Variants in SNX31 observed in about 807,000 individuals in gnomAD.
SNX31 encodes sorting nexin-31.
Under a neutral mutation model 65.4 loss-of-function variants are expected in SNX31, and 58 were observed. The ratio of observed to expected loss-of-function variants is 0.89; its 90% CI spans 0.72 to 1.10. The LOEUF (loss-of-function observed/expected upper bound fraction) is 1.10, where lower values mean the gene tolerates loss of function less well. Among genes scored for constraint, SNX31 ranks in the 50% least tolerant of loss-of-function variants. SNX31 has a pLI of 0.00. For synonymous variants in SNX31, 181 were observed against 190.1 expected, an observed-to-expected ratio of 0.95 and a Z score of 0.39; for missense variants, 523 against 529.7, an observed-to-expected ratio of 0.99 and a Z score of 0.12.
Position 100,613,982 on chromosome 8 carries a change from T to TTCTC in SNX31, c.433-901_433-898dup, listed in dbSNP as rs1816950740. On this transcript the variant is annotated intron_variant, in intron 5 of 13. Coordinates refer to ENST00000311812, the MANE Select transcript of SNX31 (RefSeq NM_152628.4). This position sits in a 1 kb window ranked among gnomAD's most constrained non-coding sequence, Gnocchi z 5.2. ...GAGCTGCTTTACCCACGACTCCCAG[T>TTCTC]TCTCTAGGTGGCAGTTGTACAAATA... 6.6e-6 allele frequency among the ~76,000 whole-genome samples: 1 copy of TTCTC among 152,116 alleles called. No individual in the cohort carries two copies. Among genetic ancestry groups the TTCTC allele is most frequent in the South Asian group, 2.1e-4 (1 of 4,820 alleles).
intron 13 of SNX31, among the ~76,000 whole-genome samples, chr8:100,574,667 G>A (rs182628718): frequency 2.1e-3 from 320 of 151,936 alleles, no homozygotes; most frequent in African/African-American, 7.3e-3. Context: ...GTGTACAGTG[G>A]CTCACGCCTG....
At chr8:100,584,284 T>C (rs1813828664) in intron 11 of SNX31, 96 bp from the exon 12 acceptor site, 3 of 858,928 alleles carry the variant, frequency 3.5e-6, no homozygotes, top group South Asian at 2.0e-5. Context: ...GACTCTGCCC[T>C]CCAATAACAC....
At chr8:100,638,471 G>A (rs374080673) in intron 2 of SNX31, among the ~76,000 whole-genome samples, 6 of 152,168 alleles carry the variant, frequency 3.9e-5, no homozygotes, top group South Asian at 4.1e-4. Flanking sequence ...GGAAACATTG[G>A]TCTAACATCT....
chr8:100,597,061 A>G (rs987286919), intron 9 of SNX31, among the ~76,000 whole-genome samples: 24 of 152,134 alleles, frequency 1.6e-4, no homozygotes, highest in Admixed American at 4.6e-4. Context: ...CCTTCCAGGG[A>G]AGGGACCATT....
intron 10 of SNX31, among the ~76,000 whole-genome samples, chr8:100,590,223 A>T (rs1814441803): frequency 6.6e-6 from 1 of 152,234 alleles, no homozygotes; most frequent in African/African-American, 2.4e-5. Flanking sequence ...GTACACAAAA[A>T]AGAAATAGGG....
In SNX31 at chr8:100,617,765, AC is replaced by A. The variant is rs1817347769; in HGVS notation, c.322-36del. The stretch of plus-strand genomic sequence containing the variant: ...AAAGAAAAGCAAAATAAATTTCCAC[AC>A]CTTTTTTTTTTTTTTGGAGGCGGAG... On this transcript the variant is annotated intron_variant, in intron 4 of 13. Transcript: ENST00000311812. 6.2e-6 allele frequency: 8 copies of A among 1,288,216 alleles called. No individual in the cohort carries two copies. The African/African-American group carries it at 9.5e-5, about 15-fold the overall frequency. 79.8% of individuals were successfully genotyped at this position (1,288,216 alleles called of 1,614,324 possible).
chr8:100,602,724 G>A (rs1166643274), intron 8 of SNX31, among the ~76,000 whole-genome samples: 3 of 152,186 alleles, frequency 2.0e-5, no homozygotes, highest in African/African-American at 4.8e-5. Flanking sequence ...AGTGACTGAC[G>A]GGTGGATGAT....
chr8:100,574,053 G>T, intron 13 of SNX31, 93 bp from the exon 14 acceptor site: 1 of 665,228 alleles, frequency 1.5e-6, no homozygotes, highest in Admixed American at 3.3e-5. Flanking sequence ...AGTATTGAAA[G>T]GGCAACAGAA....
chr8:100,617,757 A>T, intron 4 of SNX31, 27 bp from the exon 5 acceptor site: 1 of 1,543,310 alleles, frequency 6.5e-7, no homozygotes. Context: ...AGCAAAATAA[A>T]TTTCCACACC....
intron 3 of SNX31, among the ~76,000 whole-genome samples, chr8:100,631,986 T>C (rs1015600727): frequency 1.1e-4 from 16 of 152,224 alleles, no homozygotes; most frequent in Non-Finnish European, 1.8e-4. Context: ...CTAATCTTCA[T>C]GACAAACTCG....
At chr8:100,618,364 C>G in intron 4 of SNX31, 1 of 1,533,320 alleles carries the variant, frequency 6.5e-7, no homozygotes, top group African/African-American at 1.4e-5. Flanking sequence ...TCCCTAAAGC[C>G]CATATCCCTG....
intron 12 of SNX31, among the ~76,000 whole-genome samples, chr8:100,577,708 G>A (rs955347361): frequency 1.3e-5 from 2 of 152,168 alleles, no homozygotes; most frequent in African/African-American, 2.4e-5. Context: ...CCACCTCTAG[G>A]CCTGAAGGGG....
intron 4 of SNX31, among the ~76,000 whole-genome samples, chr8:100,624,038 G>T (rs1374335838): frequency 6.6e-6 from 1 of 152,106 alleles, no homozygotes; most frequent in Non-Finnish European, 1.5e-5. Flanking sequence ...AAAGAGGAAG[G>T]TGTTGACTCA....
chr8:100,618,816 G>C (rs1235881640), intron 4 of SNX31: 1 of 167,054 alleles, frequency 6.0e-6, no homozygotes, highest in East Asian at 1.8e-4. Flanking sequence ...TCCCAGCACC[G>C]CCACTTGCTC....
In SNX31 at chr8:100,594,332, A is replaced by AAAC. The variant is rs374339502; in HGVS notation, c.978+2304_978+2306dup. 1.1e-4 allele frequency among the ~76,000 whole-genome samples: 16 copies of AAAC among 152,010 alleles called. No homozygotes were observed. The highest frequency in any genetic ancestry group is 1.0e-3 in the South Asian group (5 of 4,822). On this transcript the variant is annotated intron_variant, in intron 10 of 13. Transcript: ENST00000311812. This position sits in a 1 kb window ranked among gnomAD's most constrained non-coding sequence, Gnocchi z 4.0. ...ACAAAACCAAAACAAGGAAACAGAC[A>AAAC]AACAACAACAACAACAACAAAACCG...
At position 100,610,297 on chromosome 8, in the gene SNX31, C is replaced by T. The variant is rs912666517; in HGVS notation, c.611+1703G>A. Among the ~76,000 whole-genome samples, 5 of 151,508 alleles carry T rather than the reference C, an allele frequency of 3.3e-5. No individual in the cohort carries two copies. The highest frequency in any genetic ancestry group is 7.4e-5 in the Non-Finnish European group (5 of 68,002). On this transcript the variant is annotated intron_variant, in intron 7 of 13. Transcript: ENST00000311812. This position sits in a 1 kb window ranked among gnomAD's most constrained non-coding sequence, Gnocchi z 4.0. ...GCTTCAAGGTAAGAAACAGAATCAT[C>T]ATCTCTCCTTTGATCTCAGGTTTTA...
At chr8:100,580,248 T>G (rs1813382041) in intron 12 of SNX31, among the ~76,000 whole-genome samples, 1 of 152,018 alleles carries the variant, frequency 6.6e-6, no homozygotes, top group African/African-American at 2.4e-5. Flanking sequence ...CAGATTACAG[T>G]TCAATATGTA....
chr8:100,580,989 G>A (rs753919506), intron 12 of SNX31, among the ~76,000 whole-genome samples: 31 of 151,690 alleles, frequency 2.0e-4, no homozygotes, highest in Non-Finnish European at 3.7e-4. Context: ...TTTTCTTCCA[G>A]TTTATGGTTA....
chr8:100,588,511 T>C lies in SNX31; in HGVS notation c.1092+355A>G, dbSNP rs1814264344. 6.6e-6 allele frequency among the ~76,000 whole-genome samples: 1 copy of C among 152,216 alleles called. No individual in the cohort carries two copies. Among genetic ancestry groups the C allele is most frequent in the Non-Finnish European group, 1.5e-5 (1 of 68,034 alleles). ...GACTCACTTGTTTATATACTGCCTA[T>C]GGCTGCTTTTAACAGAGTTGAGCAG... On this transcript the variant is annotated intron_variant, in intron 11 of 13. Transcript: ENST00000311812. The surrounding 1 kb of genome is among the most constrained non-coding windows in gnomAD (Gnocchi z 4.8).
Sources: allele counts gnomAD v4.1 joint callset (sites outside exome capture counted in the v4.1 genomes callset), GRCh38; gene constraint gnomAD v4.1.1; non-coding constraint Gnocchi (gnomAD v3.1); transcripts MANE v1.5; gene names NCBI Gene and HGNC (gene_info 2026-07-23, HGNC 2026-07-21).